ITCH: variants seen among roughly 807,000 people sequenced by gnomAD.
The protein encoded by ITCH is E3 ubiquitin-protein ligase Itchy homolog.
A neutral mutation model predicts 126.8 loss-of-function variants in ITCH; 28 were observed. The ratio of observed to expected loss-of-function variants is 0.22; its 90% CI spans 0.16 to 0.30. The LOEUF is 0.30. ITCH is among the 10% of genes least tolerant of loss of function. The pLI is 1.00. For missense variants in ITCH, 631 were observed against 1,032.4 expected (o/e 0.61, Z 5.33); for synonymous variants, 342 against 340.0 (o/e 1.01, Z -0.06).
rs56706640 is a variant in ITCH at position 34,495,294 on chromosome 20, A to AATATAT, written c.2416+2715_2416+2720dup. 4.6e-3 allele frequency among the ~76,000 whole-genome samples: 557 copies of AATATAT among 120,476 alleles called. 4 individuals are homozygous for AATATAT. Among genetic ancestry groups the AATATAT allele is most frequent in the African/African-American group, 0.014 (447 of 31,874 alleles). The allele number at this position is 120,476 out of a possible 152,430, so 79.0% of individuals were successfully genotyped here. A position where few individuals can be genotyped will look rare whatever the true frequency, so the allele number is the denominator to read the frequency against. On this transcript the variant is annotated intron_variant, in intron 23 of 24. Coordinates refer to ENST00000374864, the MANE Select transcript of ITCH (RefSeq NM_031483.7). ...AATAAATAAATAAATAAATAAATAA[A>AATATAT]ATATATATATATATATATATATACA... is the stretch of plus-strand genomic sequence containing the variant.
intron 7 of ITCH, among the ~76,000 whole-genome samples, chr20:34,436,480 A>G (rs935427763): frequency 1.7e-4 from 26 of 152,148 alleles, no homozygotes; most frequent in African/African-American, 5.6e-4. Flanking sequence ...GGTTTTGGAA[A>G]CCTCACTTAG....
intron 20 of ITCH, among the ~76,000 whole-genome samples, chr20:34,483,497 CAG>C (rs1318285547): frequency 1.3e-5 from 2 of 152,178 alleles, no homozygotes; most frequent in African/African-American, 2.4e-5. Context: ...GTCTCTAGCA[CAG>C]GGGCAAAATG....
At chr20:34,425,573 C>T (rs746148172) in intron 7 of ITCH, among the ~76,000 whole-genome samples, 1 of 152,160 alleles carries the variant, frequency 6.6e-6, no homozygotes, top group Non-Finnish European at 1.5e-5. Flanking sequence ...AAAACCGCCC[C>T]GTGGCTGGAG....
At chr20:34,427,423 A>G (rs1163863593) in intron 7 of ITCH, among the ~76,000 whole-genome samples, 1 of 152,170 alleles carries the variant, frequency 6.6e-6, no homozygotes, top group Non-Finnish European at 1.5e-5. Flanking sequence ...TCATCTCTAC[A>G]GAAAACAAAA....
chr20:34,434,117 A>C (rs1415780678), intron 7 of ITCH, among the ~76,000 whole-genome samples: 1 of 152,064 alleles, frequency 6.6e-6, no homozygotes, highest in Admixed American at 6.6e-5. Context: ...CTCTACAAAA[A>C]CATACAAAAA....
chr20:34,418,406 C>G (rs991136967), intron 6 of ITCH, among the ~76,000 whole-genome samples: 2 of 152,060 alleles, frequency 1.3e-5, no homozygotes, highest in African/African-American at 4.8e-5. Context: ...TCTATGCATT[C>G]CATTCCTTTT....
chr20:34,439,210 A>G (rs1285756879), intron 8 of ITCH, among the ~76,000 whole-genome samples: 1 of 152,166 alleles, frequency 6.6e-6, no homozygotes, highest in Admixed American at 6.5e-5. Flanking sequence ...ATATTACTAG[A>G]AAAGTACATT....
At chr20:34,390,992 A>G (rs972564909) in intron 2 of ITCH, among the ~76,000 whole-genome samples, 2 of 152,048 alleles carry the variant, frequency 1.3e-5, no homozygotes, top group Non-Finnish European at 2.9e-5. Context: ...ACCTCAGGTG[A>G]TTCACCCGTC....
At position 34,477,736 on chromosome 20, in the gene ITCH, T is replaced by C. The variant is rs1157363855; in HGVS notation, c.1570-36T>C. ...AAGTGGTAGACAGTGTTTCAATAGC[T>C]TTTTTCACCAATTATTTTACTTTAT... On this transcript the variant is annotated intron_variant, in intron 16 of 24. Coordinates refer to ENST00000374864, the MANE Select transcript of ITCH (RefSeq NM_031483.7). 3.1e-6 allele frequency: 5 copies of C among 1,601,648 alleles called. No homozygotes were observed. The Admixed American group carries it at 8.3e-5, about 27-fold the overall frequency.
chr20:34,469,040 T>C (rs188254203), intron 14 of ITCH, among the ~76,000 whole-genome samples: 1 of 152,286 alleles, frequency 6.6e-6, no homozygotes, highest in African/African-American at 2.4e-5. Flanking sequence ...GCAGTGGTAT[T>C]AAGTCCAAGG....
Position 34,462,204 on chromosome 20 carries a change from C to T in ITCH, c.1407C>T (p.Arg469=), listed in dbSNP as rs758656575. The T allele has an allele frequency of 1.7e-5, 27 of 1,613,618 alleles. No individual in the cohort carries two copies. The highest frequency in any genetic ancestry group is 2.0e-5 in the Non-Finnish European group (24 of 1,179,812). ...GAACTACCACCTATATAGATCCCCG[C>T]ACAGGAAAATCTGCCCTGTAAGTTT... ...NRRTTTYIDP[R]TGKSALDNGP... Residue 469 remains arginine (R), a synonymous_variant, in exon 14 of 25, where the codon CGC becomes CGT. Transcript: ENST00000374864.
At chr20:34,458,114 G>A (rs530440231) in intron 13 of ITCH, among the ~76,000 whole-genome samples, 1 of 152,186 alleles carries the variant, frequency 6.6e-6, no homozygotes, top group East Asian at 1.9e-4. Context: ...TGGTTTCAAG[G>A]AGGAAGAAAA....
chr20:34,416,179 A>G (rs1979815799), intron 6 of ITCH, among the ~76,000 whole-genome samples: 2 of 151,920 alleles, frequency 1.3e-5, no homozygotes, highest in African/African-American at 4.8e-5. Flanking sequence ...CAGGCGGATC[A>G]CCTAAGGTTG....
rs999216444 is a variant in ITCH, at chr20:34,442,097, C to A, written c.870-111C>A. ...TTGTATCATCTTTCTAAACTGATGTCCTTATTTGCCTTAGTTCAATAATGG... is the reference window on the plus strand; with the variant it reads ...TTGTATCATCTTTCTAAACTGATGTACTTATTTGCCTTAGTTCAATAATGG... On this transcript the variant is annotated intron_variant, in intron 9 of 24. Coordinates refer to ENST00000374864, the MANE Select transcript of ITCH (RefSeq NM_031483.7). 6 of 764,832 alleles carry A rather than the reference C, an allele frequency of 7.8e-6. No homozygotes were observed. The African/African-American group carries it at 1.0e-4, about 13-fold the overall frequency. 47.4% of individuals were successfully genotyped at this position (764,832 alleles called of 1,614,324 possible).
intron 3 of ITCH, among the ~76,000 whole-genome samples, chr20:34,398,406 CTT>C (rs112882966): frequency 7.0e-6 from 1 of 143,864 alleles, no homozygotes; most frequent in Non-Finnish European, 1.5e-5. Context: ...TATTCTTTTT[CTT>C]TTTTTTTTTG....
At chr20:34,439,461 G>A (rs1983452771) in intron 8 of ITCH, among the ~76,000 whole-genome samples, 1 of 152,118 alleles carries the variant, frequency 6.6e-6, no homozygotes, top group Non-Finnish European at 1.5e-5. Context: ...TTTTTGTAGA[G>A]ATGGAGTTTT....
chr20:34,419,987 A>G (rs1053074532), intron 6 of ITCH, among the ~76,000 whole-genome samples: 2 of 152,062 alleles, frequency 1.3e-5, no homozygotes, highest in African/African-American at 4.8e-5. Context: ...TAATAAACAG[A>G]TTTAACGTTT....
intron 13 of ITCH, among the ~76,000 whole-genome samples, chr20:34,460,133 G>A (rs1986373111): frequency 6.6e-6 from 1 of 152,006 alleles, no homozygotes; most frequent in African/African-American, 2.4e-5. Flanking sequence ...TACATTTTTG[G>A]TAGTCTGTTT....
At chr20:34,427,325 C>T (rs1437687288) in intron 7 of ITCH, among the ~76,000 whole-genome samples, 1 of 152,174 alleles carries the variant, frequency 6.6e-6, no homozygotes. Flanking sequence ...GTAGCTCACA[C>T]CTGTAATCCC....
Sources: allele counts gnomAD v4.1 joint callset (sites outside exome capture counted in the v4.1 genomes callset), GRCh38; gene constraint gnomAD v4.1.1; transcripts MANE v1.5; gene names NCBI Gene and HGNC (gene_info 2026-07-23, HGNC 2026-07-21).